Variants in BTBD8 observed in about 807,000 individuals in gnomAD.
The protein encoded by BTBD8 is BTB/POZ domain-containing protein 8.
In BTBD8, 110 loss-of-function variants were observed where a neutral mutation model predicts 162.9. The ratio of observed to expected loss-of-function variants is 0.68; its 90% CI spans 0.58 to 0.79. The LOEUF is 0.79. Ranked by LOEUF, BTBD8 falls within the 30% of genes least tolerant of loss-of-function variation. BTBD8 has a pLI of 0.00. For synonymous variants in BTBD8, 667 were observed against 716.1 expected (o/e 0.93, Z 1.10); for missense variants, 1,905 against 2,085.4 (o/e 0.91, Z 1.68).
Position 92,167,041 on chromosome 1 carries a change from A to G in BTBD8, c.1206A>G (p.Ala402=). Residue 402 remains alanine, a synonymous_variant, in exon 10 of 18, where the codon GCA becomes GCG. Transcript: ENST00000636805. ...CCAGAGTGAAGTGGACGGAAGCAGCACTGACCATGGCGTCTCAGCTTCAAG... is the reference window on the plus strand; with the variant it reads ...CCAGAGTGAAGTGGACGGAAGCAGCGCTGACCATGGCGTCTCAGCTTCAAG... ...SLPRVKWTEA[A]LTMASQLQEK... The G allele has an allele frequency of 1.3e-6, 2 of 1,550,868 alleles. No homozygotes were observed. Among genetic ancestry groups the G allele is most frequent in the Non-Finnish European group, 1.7e-6 (2 of 1,147,056 alleles).
chr1:92,150,077 A>G (rs1650011574), intron 9 of BTBD8, among the ~76,000 whole-genome samples: 1 of 152,234 alleles, frequency 6.6e-6, no homozygotes, highest in Non-Finnish European at 1.5e-5. Context: ...TTATACAATA[A>G]GTCTGCACCG....
chr1:92,148,704 G>C (rs1649982486), intron 9 of BTBD8, among the ~76,000 whole-genome samples: 1 of 152,168 alleles, frequency 6.6e-6, no homozygotes, highest in Admixed American at 6.5e-5. Context: ...ACAACTTTAG[G>C]CTCTGCTGAT....
intron 7 of BTBD8, among the ~76,000 whole-genome samples, chr1:92,144,266 G>GCCCA (rs1358114915): frequency 6.6e-6 from 1 of 151,894 alleles, no homozygotes; most frequent in Non-Finnish European, 1.5e-5. Flanking sequence ...GAGCCACTGT[G>GCCCA]CCCAGCCTTA....
At chr1:92,097,537 C>T (rs1353889692) in intron 2 of BTBD8, among the ~76,000 whole-genome samples, 1 of 152,178 alleles carries the variant, frequency 6.6e-6, no homozygotes, top group African/African-American at 2.4e-5. Flanking sequence ...TTAGCAGCCA[C>T]CCCTATTTCC....
At chr1:92,147,016 C>T (rs2100637285) in intron 7 of BTBD8, among the ~76,000 whole-genome samples, 164 bp from the exon 8 acceptor site, 1 of 152,176 alleles carries the variant, frequency 6.6e-6, no homozygotes, top group African/African-American at 2.4e-5. Context: ...AAGTTAATTC[C>T]AGATAAAGAG....
chr1:92,158,791 T>C (rs942378811), intron 9 of BTBD8, among the ~76,000 whole-genome samples: 1 of 151,824 alleles, frequency 6.6e-6, no homozygotes. Context: ...AAAAAAAAAA[T>C]TTAAGACAGG....
At chr1:92,139,457 A>G (rs545162840) in intron 6 of BTBD8, 27 bp downstream of exon 6, 123 of 1,589,446 alleles carry the variant, frequency 7.7e-5, no homozygotes, top group Non-Finnish European at 1.0e-4. Flanking sequence ...AATAATTTAA[A>G]ATATAAAAGA....
intron 3 of BTBD8, among the ~76,000 whole-genome samples, chr1:92,104,336 G>A (rs993161838): frequency 1.3e-5 from 2 of 152,176 alleles, no homozygotes; most frequent in African/African-American, 2.4e-5. Flanking sequence ...ATGAGTGAAT[G>A]AATACACATT....
chr1:92,156,061 G>A (rs543544084), intron 9 of BTBD8, among the ~76,000 whole-genome samples: 1 of 152,208 alleles, frequency 6.6e-6, no homozygotes, highest in African/African-American at 2.4e-5. Context: ...TTCTAGCAGT[G>A]GGCTTGTGGC....
At chr1:92,177,595 C>T in intron 14 of BTBD8, 49 bp downstream of exon 14, 1 of 1,279,550 alleles carries the variant, frequency 7.8e-7, no homozygotes, top group Admixed American at 2.8e-5. Flanking sequence ...GTTAAATTTC[C>T]TTCAAAAAAC....
chr1:92,118,799 C>CTTTTTTTTTT (rs1399053364), intron 4 of BTBD8, among the ~76,000 whole-genome samples: 1 of 70,474 alleles, frequency 1.4e-5, no homozygotes, highest in Non-Finnish European at 2.7e-5. Context: ...GCTTTTCTTT[C>CTTTTTTTTTT]TTTCTTTTTT....
In BTBD8 at chr1:92,168,910, C is replaced by G. The variant is rs1650459183; in HGVS notation, c.1488C>G (p.Ile496Met). The change falls in exon 12 of 18, where the codon ATC becomes ATG. Residue 496 changes from isoleucine to methionine, a missense_variant. Physicochemically the swap from Ile to Met is conservative, Grantham distance 10 (BLOSUM62 1). Around this residue, in one of 3 missense-constraint regions of BTBD8, gnomAD observed 1,374 missense variants for 1,442.7 expected, o/e 0.95. Transcript: ENST00000636805. ...AGGCTCTGCGTGATAAGCTGTGGAT[C>G]TTCCTGGTTCAGTCTTTCTATGCTG... ...KIQALRDKLW[I>M]FLVQSFYAVR... 1 of 1,544,632 alleles carries G rather than the reference C, an allele frequency of 6.5e-7. No individual in the cohort carries two copies. Among genetic ancestry groups the G allele is most frequent in the African/African-American group, 1.4e-5 (1 of 72,990 alleles).
intron 5 of BTBD8, among the ~76,000 whole-genome samples, chr1:92,131,339 A>G (rs1649509930): frequency 2.0e-5 from 3 of 152,252 alleles, no homozygotes; most frequent in Admixed American, 2.0e-4. Flanking sequence ...TAGCAAAGAT[A>G]TGTAACAACA....
chr1:92,095,085 G>A (rs1289213418), intron 2 of BTBD8, among the ~76,000 whole-genome samples: 2 of 152,204 alleles, frequency 1.3e-5, no homozygotes, highest in Non-Finnish European at 2.9e-5. Flanking sequence ...CCTAGAGATA[G>A]TAAATGACTT....
At chr1:92,126,490 TCTC>T in intron 4 of BTBD8, 1 of 651,880 alleles carries the variant, frequency 1.5e-6, no homozygotes, top group East Asian at 5.0e-5. Context: ...GCCTCCCTTT[TCTC>T]CTCTCCTCAA....
At position 92,159,418 on chromosome 1, in the gene BTBD8, C is replaced by T. The variant is rs117616424; in HGVS notation, c.1123-7540C>T. On this transcript the variant is annotated intron_variant, in intron 9 of 17. Transcript: ENST00000636805. ...TCTCGAACTCCTGAGCTCAAGTGAT[C>T]TTCCCACCTTAGCCTCCCAAAGTGC... Among the ~76,000 whole-genome samples the T allele has an allele frequency of 5.9e-4, 90 of 152,108 alleles. No homozygotes were observed. The East Asian group carries it at 0.016, about 27-fold the overall frequency.
intron 4 of BTBD8, among the ~76,000 whole-genome samples, chr1:92,124,288 A>G (rs1175652535): frequency 1.3e-5 from 2 of 152,154 alleles, no homozygotes; most frequent in African/African-American, 2.4e-5. Flanking sequence ...TTAAATATAT[A>G]TATTTTGTCC....
At chr1:92,183,446 A>G (rs1650976782) in intron 17 of BTBD8, among the ~76,000 whole-genome samples, 1 of 151,892 alleles carries the variant, frequency 6.6e-6, no homozygotes, top group South Asian at 2.1e-4. Flanking sequence ...TATACAAATA[A>G]GCCTTTAGGT....
At chr1:92,167,246 T>C in intron 10 of BTBD8, 106 bp downstream of exon 10, 1 of 1,354,786 alleles carries the variant, frequency 7.4e-7, no homozygotes, top group Non-Finnish European at 1.0e-6. Flanking sequence ...ATTAATGTGA[T>C]TTAAATAAAC....
Sources: gnomAD v4.1 joint callset for allele counts (sites outside exome capture counted in the v4.1 genomes callset) on GRCh38, gnomAD v4.1.1 for gene constraint, gnomAD v4.1.1 regional missense constraint, MANE v1.5 for transcripts, NCBI Gene and HGNC (gene_info 2026-07-23, HGNC 2026-07-21) for gene names.